Variants in SYNPO2 observed in about 807,000 individuals in gnomAD.
SYNPO2 encodes synaptopodin-2.
A neutral mutation model predicts 85.0 loss-of-function variants in SYNPO2; 56 were observed. The ratio of observed to expected loss-of-function variants is 0.66; its 90% CI spans 0.53 to 0.82. The LOEUF (loss-of-function observed/expected upper bound fraction) is 0.82. Among genes scored for constraint, SYNPO2 ranks in the 40% least tolerant of loss-of-function variants. The probability of loss-of-function intolerance (pLI) is 0.00; values close to 1 mark genes in which losing one functional copy is unlikely to be tolerated. For missense variants in SYNPO2, 1,575 were observed against 1,534.2 expected, an observed-to-expected ratio of 1.03 and a Z score of -0.44; for synonymous variants, 602 against 591.1, an observed-to-expected ratio of 1.02 and a Z score of -0.27.
chr4:118,868,848 A>C (rs1731748797), intron 1 of SYNPO2, among the ~76,000 whole-genome samples: 1 of 152,208 alleles, frequency 6.6e-6, no homozygotes, highest in Non-Finnish European at 1.5e-5. Flanking sequence ...TGTTGCTAGG[A>C]AAATGGCCTA....
intron 4 of SYNPO2, chr4:119,044,076 G>A (rs913178293): frequency 1.3e-5 from 2 of 151,286 alleles, no homozygotes; most frequent in African/African-American, 2.4e-5. Flanking sequence ...AATAACTCCC[G>A]AGACATCCTT....
chr4:119,042,642 A>G (rs756912308), intron 4 of SYNPO2: 1 of 152,258 alleles, frequency 6.6e-6, no homozygotes, highest in African/African-American at 2.4e-5. Context: ...CACTTTATGC[A>G]TCATAGGGAA....
At chr4:118,893,412 C>T (rs910246516) in intron 1 of SYNPO2, among the ~76,000 whole-genome samples, 2 of 152,128 alleles carry the variant, frequency 1.3e-5, no homozygotes, top group African/African-American at 4.8e-5. Context: ...CTAGTATTAT[C>T]TCTTCAAATG....
At chr4:118,951,753 A>G (rs1209610229) in intron 1 of SYNPO2, among the ~76,000 whole-genome samples, 1 of 152,242 alleles carries the variant, frequency 6.6e-6, no homozygotes, top group Admixed American at 6.5e-5. Context: ...AATAAAATTC[A>G]TGTTGTAATA....
intron 1 of SYNPO2, among the ~76,000 whole-genome samples, chr4:119,012,286 C>T (rs1458224046): frequency 4.6e-5 from 7 of 151,870 alleles, no homozygotes; most frequent in Non-Finnish European, 7.4e-5. Context: ...TTCCTCCTGC[C>T]GGCATCACCA....
In SYNPO2 at chr4:118,855,764, G is replaced by A. The variant is rs186957082; in HGVS notation, c.12+4824G>A. On this transcript the variant is annotated intron_variant, in intron 1 of 4. Transcript: ENST00000610556. ...TGAAGATGTCATAACAATAATTATT[G>A]TCTATATCATTTTTACTGTCTATTG... Among the ~76,000 whole-genome samples, 786 of 152,194 alleles carry A rather than the reference G, an allele frequency of 5.2e-3. 7 individuals carry two copies. The highest frequency in any genetic ancestry group is 0.018 in the African/African-American group (741 of 41,546).
intron 4 of SYNPO2, chr4:119,037,576 G>A: frequency 1.0e-6 from 1 of 989,036 alleles, no homozygotes; most frequent in African/African-American, 1.7e-5. Context: ...GTTCAAGTCA[G>A]GATGACATGA....
At chr4:118,987,836 T>G (rs1229828017) in intron 1 of SYNPO2, among the ~76,000 whole-genome samples, 1 of 152,234 alleles carries the variant, frequency 6.6e-6, no homozygotes, top group African/African-American at 2.4e-5. Flanking sequence ...GTCTAGGTCT[T>G]TAACATACCT....
At chr4:118,879,461 C>G (rs769785475) in intron 1 of SYNPO2, among the ~76,000 whole-genome samples, 1 of 152,072 alleles carries the variant, frequency 6.6e-6, no homozygotes, top group African/African-American at 2.4e-5. Context: ...GGATTAGTGC[C>G]CCTGTAAGAC....
Position 119,027,455 on chromosome 4 carries a change from C to T in SYNPO2, c.1069+17C>T. 3 of 1,561,976 alleles carry T rather than the reference C, an allele frequency of 1.9e-6. No individual in the cohort carries two copies. Among genetic ancestry groups the T allele is most frequent in the Non-Finnish European group, 2.6e-6 (3 of 1,148,348 alleles). ...GGCATGCACGTAAGTTCTGCCTGGG[C>T]TTTCAGAAGGGGCTTGGGAGTTGGG... On this transcript the variant is annotated intron_variant, in intron 3 of 4. Coordinates refer to ENST00000307142, the MANE Select transcript of SYNPO2 (RefSeq NM_133477.3).
At chr4:118,901,779 C>T (rs530155513) in intron 1 of SYNPO2, among the ~76,000 whole-genome samples, 11 of 152,296 alleles carry the variant, frequency 7.2e-5, no homozygotes, top group African/African-American at 2.4e-4. Flanking sequence ...TTGGTGAGGT[C>T]ACCAAAGCAC....
chr4:118,903,796 CT>C (rs1349991822), intron 1 of SYNPO2, among the ~76,000 whole-genome samples: 2 of 151,956 alleles, frequency 1.3e-5, no homozygotes, highest in Admixed American at 1.3e-4. Flanking sequence ...ACTGCAACCT[CT>C]GACTCCCTGG....
intron 1 of SYNPO2, among the ~76,000 whole-genome samples, chr4:118,929,440 C>T (rs549259290): frequency 6.6e-6 from 1 of 151,992 alleles, no homozygotes; most frequent in South Asian, 2.1e-4. Flanking sequence ...AGTTTTAAAA[C>T]CATAAGGCTT....
chr4:118,954,645 C>T (rs1481148365), intron 1 of SYNPO2, among the ~76,000 whole-genome samples: 3 of 124,276 alleles, frequency 2.4e-5, no homozygotes, highest in African/African-American at 5.7e-5. Flanking sequence ...TTCTCCAAAT[C>T]GACTGGTTAG....
intron 1 of SYNPO2, among the ~76,000 whole-genome samples, chr4:118,872,823 C>T (rs946746514): frequency 6.6e-6 from 1 of 152,028 alleles, no homozygotes; most frequent in African/African-American, 2.4e-5. Context: ...CACACCCTCT[C>T]ACCCCCTCCC....
intron 1 of SYNPO2, among the ~76,000 whole-genome samples, chr4:118,873,045 T>TAC (rs1035134976): frequency 4.6e-5 from 7 of 151,724 alleles, no homozygotes; most frequent in South Asian, 2.1e-4. Flanking sequence ...TGTGTGTGTG[T>TAC]ACACACACAC....
intron 1 of SYNPO2, among the ~76,000 whole-genome samples, chr4:118,946,003 C>T (rs1329447249): frequency 6.6e-6 from 1 of 152,118 alleles, no homozygotes; most frequent in Non-Finnish European, 1.5e-5. Flanking sequence ...CTCGGCCTCC[C>T]GAAGTGCTGG....
intron 4 of SYNPO2, among the ~76,000 whole-genome samples, chr4:119,056,085 T>C (rs1739196094): frequency 6.6e-6 from 1 of 152,206 alleles, no homozygotes; most frequent in Non-Finnish European, 1.5e-5. Flanking sequence ...CTTTCAAAGT[T>C]GATACTCCTG....
chr4:118,991,742 G>C (rs1429115573), intron 1 of SYNPO2, among the ~76,000 whole-genome samples: 1 of 152,192 alleles, frequency 6.6e-6, no homozygotes, highest in Non-Finnish European at 1.5e-5. Flanking sequence ...ATTGTACTTA[G>C]AGGGAAAGGG....
Sources: allele counts gnomAD v4.1 joint callset (sites outside exome capture counted in the v4.1 genomes callset), GRCh38; gene constraint gnomAD v4.1.1; transcripts MANE v1.5; gene names NCBI Gene and HGNC (gene_info 2026-07-23, HGNC 2026-07-21).